Variants in DRC8 observed in about 807,000 individuals in gnomAD.
DRC8 encodes the protein dynein regulatory complex protein 8.
chr1:245,056,518 T>A, the DRC8 span, among the ~76,000 whole-genome samples: 1 of 152,232 alleles, frequency 6.6e-6, no homozygotes, highest in Non-Finnish European at 1.5e-5. Flanking sequence ...CTCTTCTCAG[T>A]CTGACTCCAG....
the DRC8 span, among the ~76,000 whole-genome samples, chr1:245,072,712 C>A: frequency 6.6e-5 from 10 of 152,172 alleles, no homozygotes; most frequent in Non-Finnish European, 1.2e-4. Flanking sequence ...AGAGATGGGA[C>A]CTGGTGGGAG....
the DRC8 span, among the ~76,000 whole-genome samples, chr1:245,050,981 A>G: frequency 6.6e-6 from 1 of 152,004 alleles, no homozygotes; most frequent in African/African-American, 2.4e-5. Flanking sequence ...GGGCTCAAGC[A>G]ATCCTCCCCC....
chr1:245,069,230 A>G, the DRC8 span, among the ~76,000 whole-genome samples: 1 of 152,218 alleles, frequency 6.6e-6, no homozygotes, highest in Non-Finnish European at 1.5e-5. Flanking sequence ...TACACAATCA[A>G]TTAACAAAGA....
chr1:245,062,315 C>A, the DRC8 span, among the ~76,000 whole-genome samples: 294 of 152,282 alleles, frequency 1.9e-3, 2 homozygotes, highest in African/African-American at 6.7e-3. Context: ...TTGATCCATG[C>A]AGTTTATATT....
At chr1:245,086,967 G>A in the DRC8 span, 1 of 539,890 alleles carries the variant, frequency 1.9e-6, no homozygotes, top group Non-Finnish European at 3.5e-6. Context: ...CATGATGTCT[G>A]TATGTCTTCC....
the DRC8 span, among the ~76,000 whole-genome samples, chr1:245,033,717 CCTTT>C: frequency 4.0e-5 from 6 of 151,792 alleles, no homozygotes; most frequent in East Asian, 3.9e-4. Context: ...CCTTTCCTTT[CCTTT>C]CTTTCTTTCT....
the DRC8 span, chr1:244,970,985 G>A: frequency 1.2e-5 from 2 of 165,958 alleles, no homozygotes; most frequent in South Asian, 1.5e-4. Flanking sequence ...CCTGGGTGAG[G>A]AGGAGTTCTG....
At chr1:245,062,521 T>C in the DRC8 span, among the ~76,000 whole-genome samples, 1 of 152,170 alleles carries the variant, frequency 6.6e-6, no homozygotes, top group Non-Finnish European at 1.5e-5. Context: ...TTCATACAAA[T>C]GGAAAGGTTA....
At chr1:244,981,059 T>C in the DRC8 span, among the ~76,000 whole-genome samples, 2 of 152,218 alleles carry the variant, frequency 1.3e-5, no homozygotes, top group South Asian at 4.2e-4. Flanking sequence ...GGCAGGCGTC[T>C]GTAATCCCAG....
chr1:245,116,401 A>G, the DRC8 span, among the ~76,000 whole-genome samples: 15 of 152,106 alleles, frequency 9.9e-5, no homozygotes, highest in Non-Finnish European at 1.5e-4. Flanking sequence ...AAAACAAAAC[A>G]AAACAAAACA....
the DRC8 span, among the ~76,000 whole-genome samples, chr1:245,019,320 A>C: frequency 2.0e-5 from 3 of 152,100 alleles, no homozygotes; most frequent in East Asian, 5.8e-4. Context: ...TTCCTGTGTT[A>C]ATTTGTATAT....
chr1:245,120,581 T>C, the DRC8 span, among the ~76,000 whole-genome samples: 1 of 152,258 alleles, frequency 6.6e-6, no homozygotes, highest in Non-Finnish European at 1.5e-5. Flanking sequence ...ACTTCAGCCT[T>C]TTCCTCATTT....
the DRC8 span, among the ~76,000 whole-genome samples, chr1:245,028,748 G>T: frequency 1.3e-5 from 2 of 152,176 alleles, no homozygotes; most frequent in Non-Finnish European, 2.9e-5. Context: ...AATCCAAAGA[G>T]AATAAAATTC....
the DRC8 span, among the ~76,000 whole-genome samples, chr1:245,076,735 TTGG>T: frequency 2.0e-5 from 3 of 151,840 alleles, no homozygotes; most frequent in African/African-American, 7.3e-5. Flanking sequence ...ATTTTTTTTT[TTGG>T]TTTGTTTGTG....
the DRC8 span, among the ~76,000 whole-genome samples, chr1:245,069,613 G>A: frequency 0.016 from 2,395 of 152,254 alleles, 50 homozygotes; most frequent in African/African-American, 0.055. Flanking sequence ...AGTAGTGGCC[G>A]GGGAATGGCG....
chr1:245,119,647 AAGG>A, the DRC8 span, among the ~76,000 whole-genome samples: 8 of 151,600 alleles, frequency 5.3e-5, no homozygotes, highest in African/African-American at 1.5e-4. Context: ...TAAAAAAAAA[AAGG>A]AGGCTGGGCA....
chr1:244,987,933 T>C, the DRC8 span, among the ~76,000 whole-genome samples: 12 of 152,184 alleles, frequency 7.9e-5, no homozygotes, highest in Non-Finnish European at 1.3e-4. Context: ...AAACTTCTCT[T>C]ATATCCTTAG....
chr1:245,121,574 G>A, the DRC8 span, among the ~76,000 whole-genome samples: 14 of 152,306 alleles, frequency 9.2e-5, no homozygotes, highest in Admixed American at 3.3e-4. Flanking sequence ...GACTTGATCA[G>A]CCAAGTCCCT....
At chr1:245,038,197 G>A in the DRC8 span, among the ~76,000 whole-genome samples, 20 of 152,256 alleles carry the variant, frequency 1.3e-4, no homozygotes, top group South Asian at 6.2e-4. Flanking sequence ...GTGGCCCAGC[G>A]TGGTGGCTCA....
Sources: allele counts gnomAD v4.1 joint callset (sites outside exome capture counted in the v4.1 genomes callset), GRCh38; gene constraint gnomAD v4.1.1; transcripts MANE v1.5; gene names NCBI Gene and HGNC (gene_info 2026-07-23, HGNC 2026-07-21).